PDZRN4: variants seen among roughly 807,000 people sequenced by gnomAD.
PDZRN4 encodes the protein PDZ domain containing ring finger 4.
PDZRN4 carries 70 observed loss-of-function variants against 99.0 expected under a neutral mutation model. The observed-to-expected ratio is 0.71, with a 90% CI of 0.58 to 0.86. The LOEUF is 0.86. Among genes scored for constraint, PDZRN4 ranks in the 40% least tolerant of loss-of-function variants. The pLI, the probability that PDZRN4 is intolerant of heterozygous loss-of-function variation, is 0.00. For missense variants in PDZRN4, 1,474 were observed against 1,331.2 expected (o/e 1.11, Z -1.67); for synonymous variants, 551 against 501.6 (o/e 1.10, Z -1.32).
At chr12:41,374,131 T>G (rs1229333147) in intron 3 of PDZRN4, among the ~76,000 whole-genome samples, 1 of 148,784 alleles carries the variant, frequency 6.7e-6, no homozygotes, top group East Asian at 2.0e-4. Context: ...GTCTTTGCAG[T>G]GTTTTAGGAA....
At chr12:41,379,616 T>C (rs1952108477) in intron 3 of PDZRN4, among the ~76,000 whole-genome samples, 1 of 151,870 alleles carries the variant, frequency 6.6e-6, no homozygotes, top group Non-Finnish European at 1.5e-5. Context: ...ATATCTCTTG[T>C]TTAGGAGTGT....
At chr12:41,531,600 T>A (rs1468612396) in intron 5 of PDZRN4, among the ~76,000 whole-genome samples, 1 of 152,156 alleles carries the variant, frequency 6.6e-6, no homozygotes, top group Non-Finnish European at 1.5e-5. Flanking sequence ...AAATGCCTGT[T>A]CCCACCTAGG....
chr12:41,335,435 T>C (rs1364065530), intron 3 of PDZRN4, among the ~76,000 whole-genome samples: 1 of 152,050 alleles, frequency 6.6e-6, no homozygotes, highest in East Asian at 1.9e-4. Flanking sequence ...TTGTACTTTT[T>C]CTTATATATT....
At chr12:41,467,319 T>G (rs1462876354) in intron 3 of PDZRN4, among the ~76,000 whole-genome samples, 1 of 152,232 alleles carries the variant, frequency 6.6e-6, no homozygotes, top group African/African-American at 2.4e-5. Flanking sequence ...TAGTTTTGAC[T>G]GAAAATATGT....
chr12:41,451,169 A>G (rs935081935), intron 3 of PDZRN4, among the ~76,000 whole-genome samples: 4 of 64,626 alleles, frequency 6.2e-5, no homozygotes, highest in African/African-American at 2.6e-4. Flanking sequence ...TGTGCAATTT[A>G]GATTTAAAAA....
At chr12:41,271,131 C>A (rs1951311935) in intron 3 of PDZRN4, among the ~76,000 whole-genome samples, 1 of 151,964 alleles carries the variant, frequency 6.6e-6, no homozygotes. Context: ...CTTATCTCAT[C>A]AGCTTAAAAC....
intron 5 of PDZRN4, among the ~76,000 whole-genome samples, chr12:41,535,687 G>T (rs532090549): frequency 2.0e-5 from 3 of 152,208 alleles, no homozygotes; most frequent in African/African-American, 7.2e-5. Context: ...TCTTACCATG[G>T]GAGTGGGTTT....
At chr12:41,524,068 G>A (rs944997470) in intron 5 of PDZRN4, among the ~76,000 whole-genome samples, 37 of 152,112 alleles carry the variant, frequency 2.4e-4, no homozygotes, top group African/African-American at 8.7e-4. Context: ...CACTAACAAG[G>A]AACTGTCTGA....
Position 41,555,777 on chromosome 12 carries a change from T to C in PDZRN4, c.1365+17T>C. On this transcript the variant is annotated intron_variant, in intron 7 of 9. Coordinates refer to ENST00000402685, the MANE Select transcript of PDZRN4 (RefSeq NM_001164595.2). ...ATTTTGCAAGTAGGTGGTATAGTAA[T>C]TTCCTTTAGTTCCCCACGATCTGTC... 6.3e-7 allele frequency: 1 copy of C among 1,585,750 alleles called. No individual in the cohort carries two copies.
At chr12:41,555,236 A>AAAAAAAAAAAG (rs796744154) in intron 6 of PDZRN4, among the ~76,000 whole-genome samples, 3 of 14,344 alleles carry the variant, frequency 2.1e-4, no homozygotes, top group Non-Finnish European at 3.2e-4. Flanking sequence ...GTCTCAAAAA[A>AAAAAAAAAAAG]AAAAAAAAAA....
chr12:41,232,175 A>G (rs528330101), intron 3 of PDZRN4, among the ~76,000 whole-genome samples: 44 of 152,202 alleles, frequency 2.9e-4, no homozygotes, highest in African/African-American at 9.6e-4. Context: ...ATGCTAAAAA[A>G]GTAAGAGCTG....
chr12:41,217,811 T>G (rs1201824942), intron 3 of PDZRN4, among the ~76,000 whole-genome samples: 1 of 152,058 alleles, frequency 6.6e-6, no homozygotes, highest in Admixed American at 6.6e-5. Context: ...ATTTTGGCCC[T>G]GTTTCCCAGT....
chr12:41,383,569 A>C (rs781605807), intron 3 of PDZRN4, among the ~76,000 whole-genome samples: 4 of 152,234 alleles, frequency 2.6e-5, no homozygotes, highest in Non-Finnish European at 5.9e-5. Flanking sequence ...TCTCCTGCAG[A>C]ATCAGTTAGA....
intron 3 of PDZRN4, among the ~76,000 whole-genome samples, chr12:41,293,201 T>G: frequency 7.3e-6 from 1 of 137,216 alleles, no homozygotes; most frequent in South Asian, 2.5e-4. Context: ...CCCACCTCAA[T>G]GCAAGGTGGG....
At chr12:41,563,885 A>G (rs934658029) in intron 8 of PDZRN4, among the ~76,000 whole-genome samples, 1 of 152,236 alleles carries the variant, frequency 6.6e-6, no homozygotes, top group Non-Finnish European at 1.5e-5. Flanking sequence ...CTAATTTATC[A>G]AAAGTATTAC....
chr12:41,546,639 G>A (rs1209990880), intron 5 of PDZRN4, among the ~76,000 whole-genome samples: 1 of 151,858 alleles, frequency 6.6e-6, no homozygotes, highest in East Asian at 1.9e-4. Flanking sequence ...AAAAATAAAG[G>A]TTATTTTAAA....
At chr12:41,341,841 G>A (rs956383433) in intron 3 of PDZRN4, among the ~76,000 whole-genome samples, 2 of 151,536 alleles carry the variant, frequency 1.3e-5, no homozygotes, top group African/African-American at 4.8e-5. Flanking sequence ...CAGGAATAAA[G>A]ACAAAAATTC....
intron 3 of PDZRN4, among the ~76,000 whole-genome samples, chr12:41,290,578 C>T (rs1347239744): frequency 1.3e-5 from 2 of 151,944 alleles, no homozygotes; most frequent in African/African-American, 4.8e-5. Context: ...TATATATATA[C>T]AAACACTTCA....
chr12:41,278,932 C>T (rs1951366558), intron 3 of PDZRN4, among the ~76,000 whole-genome samples: 2 of 152,166 alleles, frequency 1.3e-5, no homozygotes, highest in South Asian at 4.1e-4. Context: ...CTTATCTCAG[C>T]CTTTCAGCCT....
Sources: gnomAD v4.1 joint callset for allele counts (sites outside exome capture counted in the v4.1 genomes callset) on GRCh38, gnomAD v4.1.1 for gene constraint, MANE v1.5 for transcripts, NCBI Gene and HGNC (gene_info 2026-07-23, HGNC 2026-07-21) for gene names.